NKD2: variants seen among roughly 807,000 people sequenced by gnomAD.
NKD2 encodes NKD inhibitor of Wnt signaling pathway 2.
Under a neutral mutation model 34.8 loss-of-function variants are expected in NKD2, and 43 were observed. The observed-to-expected ratio is 1.24, with a 90% CI of 0.97 to 1.60. The LOEUF (loss-of-function observed/expected upper bound fraction) is 1.60, where lower values mean the gene tolerates loss of function less well. Ranked by LOEUF, NKD2 falls within the 40% of genes most tolerant of loss-of-function variation. The pLI is 0.00. For synonymous variants in NKD2, 278 were observed against 265.1 expected (o/e 1.05, Z -0.47); for missense variants, 675 against 627.1 (o/e 1.08, Z -0.82).
At position 1,036,160 on chromosome 5, in the gene NKD2, C is replaced by T. The variant is rs566031183; in HGVS notation, c.660-97C>T. ...GAGGAGGTGGGTGCTGGTCAGGATG[C>T]ACCCCGGACCCCTGCCGCCTGCTGT... On this transcript the variant is annotated intron_variant, in intron 8 of 9. Transcript: ENST00000296849. 3.8e-5 allele frequency: 54 copies of T among 1,403,516 alleles called. No individual in the cohort carries two copies. In the African/African-American group the frequency reaches 7.4e-4, roughly 19 times the overall value. The allele number at this position is 1,403,516 out of a possible 1,614,324, so 86.9% of individuals were successfully genotyped here. A position where few individuals can be genotyped will look rare whatever the true frequency, so the allele number is the denominator to read the frequency against.
intron 3 of NKD2, 58 bp from the exon 4 acceptor site, chr5:1,032,094 A>C: frequency 2.1e-6 from 3 of 1,408,116 alleles, no homozygotes; most frequent in Non-Finnish European, 2.0e-6. Context: ...GCTCCTGCCC[A>C]TCTCCCCCGC....
chr5:1,037,961 G>A lies in NKD2; in HGVS notation c.944G>A (p.Arg315Gln), dbSNP rs375289481. The A allele has an allele frequency of 1.2e-5, 19 of 1,605,608 alleles. No homozygotes were observed. In the Admixed American group the frequency reaches 1.5e-4, roughly 13 times the overall value. The part of the protein sequence containing the change: ...HVVPASEPAA[R>Q]ALDTQPRPKG... ...GTGCCAGCCTCGGAGCCTGCTGCCCGGGCCCTGGACACGCAGCCCCGGCCG... is the reference window on the plus strand; with the variant it reads ...GTGCCAGCCTCGGAGCCTGCTGCCCAGGCCCTGGACACGCAGCCCCGGCCG... The change falls in exon 10 of 10, where the codon CGG becomes CAG. Residue 315 changes from arginine (R) to glutamine (Q), a missense_variant. By Grantham distance (43) the Arg-to-Gln change is conservative. Transcript: ENST00000296849.
chr5:1,037,581 A>G (rs928596867), intron 9 of NKD2: 17 of 1,535,722 alleles, frequency 1.1e-5, no homozygotes, highest in Non-Finnish European at 1.4e-5. Context: ...ACAAGGCTAG[A>G]GGAGTCGGCC....
chr5:1,026,885 G>A (rs973849415), intron 3 of NKD2, among the ~76,000 whole-genome samples: 6 of 152,252 alleles, frequency 3.9e-5, no homozygotes, highest in Non-Finnish European at 7.3e-5. Context: ...CTTGGCAGGC[G>A]CCTACCTTGC....
chr5:1,035,929 G>A, intron 8 of NKD2: 1 of 373,050 alleles, frequency 2.7e-6, no homozygotes, highest in Non-Finnish European at 4.8e-6. Context: ...GGGTGGCTGG[G>A]TGGCTGGGGT....
chr5:1,018,975 T>A (rs949190696), intron 3 of NKD2, among the ~76,000 whole-genome samples: 1 of 152,108 alleles, frequency 6.6e-6, no homozygotes, highest in Non-Finnish European at 1.5e-5. Flanking sequence ...ACGTCACGCC[T>A]CTGTCCACAG....
chr5:1,012,817 G>A (rs1406789954), intron 3 of NKD2, among the ~76,000 whole-genome samples: 4 of 152,186 alleles, frequency 2.6e-5, no homozygotes, highest in South Asian at 2.1e-4. Flanking sequence ...AGGAGCCAGC[G>A]CTCACCTGTC....
chr5:1,027,069 C>T (rs1756445730), intron 3 of NKD2, among the ~76,000 whole-genome samples: 1 of 152,246 alleles, frequency 6.6e-6, no homozygotes, highest in South Asian at 2.1e-4. Context: ...AGGCTGTCAC[C>T]CCGGCCCTTC....
intron 9 of NKD2, among the ~76,000 whole-genome samples, chr5:1,037,325 G>T (rs561978951): frequency 1.3e-5 from 2 of 152,152 alleles, no homozygotes; most frequent in Admixed American, 6.5e-5. Flanking sequence ...GGCTCAGTGC[G>T]CTGTGTGCTG....
chr5:1,038,156 A>C lies in NKD2; in HGVS notation c.1139A>C (p.Tyr380Ser). 6.3e-7 allele frequency: 1 copy of C among 1,584,696 alleles called. No individual in the cohort carries two copies. The highest frequency in any genetic ancestry group is 8.6e-7 in the Non-Finnish European group (1 of 1,168,042). ...HHLPQPPPPP[Y>S]GHKRYRQKGR... ...CTCCCGCAGCCCCCACCGCCACCCT[A>C]CGGCCACAAGCGGTACCGCCAAAAG... The change falls in exon 10 of 10, where the codon TAC (tyrosine) becomes TCC (serine). Residue 380 changes from tyrosine to serine, a missense_variant. Coordinates refer to ENST00000296849, the MANE Select transcript of NKD2 (RefSeq NM_033120.4). The surrounding 1 kb of genome is among the most constrained non-coding windows in gnomAD (Gnocchi z 4.5).
intron 9 of NKD2, 45 bp from the exon 10 acceptor site, chr5:1,037,760 T>C (rs1246556690): frequency 1.9e-6 from 3 of 1,565,170 alleles, no homozygotes; most frequent in South Asian, 1.2e-5. Flanking sequence ...GATGGGAACC[T>C]GAGCCTGCAC....
At position 1,009,466 on chromosome 5, in the gene NKD2, GC is replaced by G; in HGVS notation, c.62-10del. ...CTCGGTGCGGGTTTCCCGCGCGTCC[GC>G]CCCCGGACCGCAGGGGACAGCTTCG... On this transcript the variant is annotated splice_polypyrimidine_tract_variant and intron_variant, in intron 2 of 9. Coordinates refer to ENST00000296849, the MANE Select transcript of NKD2 (RefSeq NM_033120.4). This position sits in a 1 kb window ranked among gnomAD's most constrained non-coding sequence, Gnocchi z 6.9. 6.7e-6 allele frequency: 10 copies of G among 1,491,264 alleles called. No individual in the cohort carries two copies. The highest frequency in any genetic ancestry group is 4.4e-5 in the Admixed American group (2 of 45,586). 92.4% of individuals were successfully genotyped at this position (1,491,264 alleles called of 1,614,324 possible).
In NKD2 at chr5:1,009,989, A is replaced by G. The variant is rs1755687977; in HGVS notation, c.141+429A>G. 6.6e-6 allele frequency among the ~76,000 whole-genome samples: 1 copy of G among 152,182 alleles called. No individual in the cohort carries two copies. The highest frequency in any genetic ancestry group is 6.5e-5 in the Admixed American group (1 of 15,284). On this transcript the variant is annotated intron_variant, in intron 3 of 9. Coordinates refer to ENST00000296849, the MANE Select transcript of NKD2 (RefSeq NM_033120.4). This position sits in a 1 kb window ranked among gnomAD's most constrained non-coding sequence, Gnocchi z 6.9. ...ACAGACCTGGGGCATCACTGGTCAT[A>G]GCCTCAGTGCTCAATCAGCAAACAT...
At chr5:1,026,756 G>A (rs577839141) in intron 3 of NKD2, among the ~76,000 whole-genome samples, 1 of 152,356 alleles carries the variant, frequency 6.6e-6, no homozygotes, top group South Asian at 2.1e-4. Flanking sequence ...ACCACGTCCA[G>A]CATCCTCCCA....
chr5:1,029,684 C>T (rs1164686232), intron 3 of NKD2, among the ~76,000 whole-genome samples: 1 of 152,210 alleles, frequency 6.6e-6, no homozygotes, highest in African/African-American at 2.4e-5. Context: ...GTGGGAAACA[C>T]TTAAAAATCC....
Position 1,034,297 on chromosome 5 carries a change from T to A in NKD2, c.393T>A (p.Tyr131Ter). Residue 131 changes from tyrosine to a stop codon, truncating the protein, a stop_gained, in exon 6 of 10, where the codon TAT becomes TAA. Transcript: ENST00000296849. LOFTEE classifies it high-confidence loss of function. ...GCCAGGAGTGGACGTTCACGCTCTA[T>A]GACTTTGACAACTGCGGGAAGGTCA... ...DDRQEWTFTL[Y>*]DFDNCGKVTR... The A allele has an allele frequency of 6.2e-7, 1 of 1,612,908 alleles. No homozygotes were observed. Among genetic ancestry groups the A allele is most frequent in the South Asian group, 1.1e-5 (1 of 91,008 alleles).
chr5:1,037,289 G>A (rs892715433), intron 9 of NKD2, among the ~76,000 whole-genome samples: 4 of 152,148 alleles, frequency 2.6e-5, no homozygotes, highest in Non-Finnish European at 4.4e-5. Flanking sequence ...GGGGCAGGAG[G>A]GGTGGAGCTG....
At chr5:1,022,931 G>A (rs111637222) in intron 3 of NKD2, among the ~76,000 whole-genome samples, 2 of 7,562 alleles carry the variant, frequency 2.6e-4, no homozygotes, top group African/African-American at 2.8e-4. Flanking sequence ...GTCCCAGCCC[G>A]TTGTCCCTGC....
At chr5:1,015,222 C>T (rs1324048454) in intron 3 of NKD2, among the ~76,000 whole-genome samples, 1 of 152,228 alleles carries the variant, frequency 6.6e-6, no homozygotes, top group African/African-American at 2.4e-5. Context: ...GCACAGTCAT[C>T]TGAGCTGTCA....
Sources: gnomAD v4.1 joint callset for allele counts (sites outside exome capture counted in the v4.1 genomes callset) on GRCh38, gnomAD v4.1.1 for gene constraint, Gnocchi (gnomAD v3.1) non-coding constraint, MANE v1.5 for transcripts, NCBI Gene and HGNC (gene_info 2026-07-23, HGNC 2026-07-21) for gene names.